The following SMARCAD1 variants were observed in gnomAD, a reference collection of about 807,000 sequenced individuals.
The protein encoded by SMARCAD1 is SNF2 related chromatin remodeling ATPase with DExD box 1.
SMARCAD1 carries 25 observed loss-of-function variants against 127.1 expected under a neutral mutation model. That is an observed-to-expected ratio of 0.20 (90% CI 0.14 to 0.27). The LOEUF is 0.27. SMARCAD1 is among the 10% of genes least tolerant of loss of function. The probability of loss-of-function intolerance (pLI) is 1.00; values close to 1 mark genes in which losing one functional copy is unlikely to be tolerated. For synonymous variants in SMARCAD1, 400 were observed against 396.9 expected (o/e 1.01, Z -0.09); for missense variants, 807 against 1,206.0 (o/e 0.67, Z 4.90).
At chr4:94,224,074 A>C (rs2125828246) in intron 2 of SMARCAD1, among the ~76,000 whole-genome samples, 1 of 152,210 alleles carries the variant, frequency 6.6e-6, no homozygotes, top group East Asian at 1.9e-4. Context: ...ACTATATAGG[A>C]GTTTGGACTG....
At chr4:94,277,204 T>G in intron 16 of SMARCAD1, 45 bp downstream of exon 16, 1 of 1,604,618 alleles carries the variant, frequency 6.2e-7, no homozygotes, top group Non-Finnish European at 8.5e-7. Context: ...TATTTGTGTT[T>G]TATCTGGGCC....
chr4:94,264,566 T>C, intron 9 of SMARCAD1, 141 bp from the exon 10 acceptor site: 1 of 623,136 alleles, frequency 1.6e-6, no homozygotes, highest in Non-Finnish European at 2.8e-6. Flanking sequence ...ACATGAAGAA[T>C]CAGGTTCTCT....
intron 10 of SMARCAD1, among the ~76,000 whole-genome samples, chr4:94,265,620 C>T (rs1343453333): frequency 2.0e-5 from 3 of 151,568 alleles, no homozygotes; most frequent in Non-Finnish European, 4.4e-5. Flanking sequence ...TTGTGTTGAA[C>T]TTCCTTTAAA....
At chr4:94,267,516 C>G (rs1751914460) in intron 10 of SMARCAD1, among the ~76,000 whole-genome samples, 1 of 152,070 alleles carries the variant, frequency 6.6e-6, no homozygotes. Flanking sequence ...CTATTTTACG[C>G]CTTTCTCACC....
In SMARCAD1 at chr4:94,257,069, G is replaced by GT. The variant is rs140147757; in HGVS notation, c.1281+4067dup. Reference sequence around the variant, plus strand: ...GAGAGTGATACTTCAGATGCTGACTGTTTTTGAAAGAAAAAAGTCCTTTGA... The same window carrying GT: ...GAGAGTGATACTTCAGATGCTGACTGTTTTTTGAAAGAAAAAAGTCCTTTGA... On this transcript the variant is annotated intron_variant, in intron 9 of 23. Transcript: ENST00000354268. Among the ~76,000 whole-genome samples the GT allele has an allele frequency of 2.9e-3, 440 of 152,226 alleles. 2 individuals are homozygous for GT. The highest frequency in any genetic ancestry group is 0.01 in the African/African-American group (419 of 41,540).
At chr4:94,261,756 C>T (rs950211540) in intron 9 of SMARCAD1, among the ~76,000 whole-genome samples, 3 of 152,070 alleles carry the variant, frequency 2.0e-5, no homozygotes, top group Admixed American at 1.3e-4. Flanking sequence ...ACCACAGGCA[C>T]GTGCCACCAC....
At chr4:94,221,646 C>T (rs1030488922) in intron 2 of SMARCAD1, among the ~76,000 whole-genome samples, 1 of 152,112 alleles carries the variant, frequency 6.6e-6, no homozygotes, top group African/African-American at 2.4e-5. Context: ...TGTCATCTGA[C>T]TAAATAAATT....
chr4:94,249,618 T>A (rs774785670), intron 6 of SMARCAD1, 36 bp from the exon 7 acceptor site: 1 of 1,099,244 alleles, frequency 9.1e-7, no homozygotes. Flanking sequence ...TATTGATATC[T>A]CTTAAATTGT....
chr4:94,278,684 A>G lies in SMARCAD1; in HGVS notation c.2247A>G (p.Gln749=). The G allele has an allele frequency of 6.2e-7, 1 of 1,613,918 alleles. No individual in the cohort carries two copies. Among genetic ancestry groups the G allele is most frequent in the Non-Finnish European group, 8.5e-7 (1 of 1,179,958 alleles). ...ELCAMSEKQE[Q]LYLGLFNRLK... is the part of the protein sequence containing the mutation. ...GTGCAATGTCGGAGAAGCAGGAGCA[A>G]CTCTATTTGGGTCTTTTCAACAGAT... Residue 749 remains glutamine (Q), a synonymous_variant, in exon 18 of 24, where the codon CAA becomes CAG. Transcript: ENST00000354268.
rs543878969 is a variant in SMARCAD1 at position 94,269,951 on chromosome 4, G to T, written c.1482-777G>T. Among the ~76,000 whole-genome samples the T allele has an allele frequency of 4.8e-4, 73 of 152,106 alleles. 1 individual carries two copies. Among genetic ancestry groups the T allele is most frequent in the South Asian group, 3.7e-3 (18 of 4,820 alleles). The stretch of plus-strand genomic sequence containing the variant: ...GCCTTGCAAAGTGCTGGGATTACGG[G>T]CATGAGCCACTGTTTTCATTCCTTA... On this transcript the variant is annotated intron_variant, in intron 10 of 23. Coordinates refer to ENST00000354268, the MANE Select transcript of SMARCAD1 (RefSeq NM_020159.5).
chr4:94,241,611 A>C (rs1485549796), intron 6 of SMARCAD1, among the ~76,000 whole-genome samples: 1 of 152,152 alleles, frequency 6.6e-6, no homozygotes, highest in African/African-American at 2.4e-5. Context: ...AGGGAAGGCA[A>C]ATTCATACTT....
At chr4:94,275,195 C>G (rs149676050) in intron 14 of SMARCAD1, among the ~76,000 whole-genome samples, 1 of 151,892 alleles carries the variant, frequency 6.6e-6, no homozygotes, top group Non-Finnish European at 1.5e-5. Context: ...AAGGTTTTGC[C>G]TAGTTATTGA....
intron 2 of SMARCAD1, among the ~76,000 whole-genome samples, chr4:94,220,735 C>T (rs1008441779): frequency 2.0e-5 from 3 of 152,224 alleles, no homozygotes; most frequent in Non-Finnish European, 4.4e-5. Flanking sequence ...CTTAGCACCA[C>T]GGATCAAGGC....
At chr4:94,216,529 A>G (rs924978116) in intron 2 of SMARCAD1, among the ~76,000 whole-genome samples, 1 of 152,272 alleles carries the variant, frequency 6.6e-6, no homozygotes, top group African/African-American at 2.4e-5. Context: ...ATTCAGTTCA[A>G]TACATATACA....
intron 6 of SMARCAD1, among the ~76,000 whole-genome samples, chr4:94,242,318 T>G (rs976105386): frequency 3.9e-5 from 6 of 152,106 alleles, no homozygotes; most frequent in Admixed American, 2.6e-4. Context: ...GTGCTGAGAT[T>G]ACAGGCGTGA....
intron 3 of SMARCAD1, among the ~76,000 whole-genome samples, chr4:94,231,984 C>T (rs1012295381): frequency 5.9e-5 from 9 of 152,052 alleles, no homozygotes; most frequent in Non-Finnish European, 1.3e-4. Flanking sequence ...GTCTCAGCCT[C>T]CCTAGTAGGT....
At chr4:94,250,964 A>G in intron 8 of SMARCAD1, 131 bp downstream of exon 8, 1 of 656,592 alleles carries the variant, frequency 1.5e-6, no homozygotes, top group Non-Finnish European at 2.6e-6. Context: ...TGTTGAAAGT[A>G]ATGATGTAAA....
chr4:94,277,515 C>T (rs1753474129), intron 16 of SMARCAD1, among the ~76,000 whole-genome samples: 1 of 151,776 alleles, frequency 6.6e-6, no homozygotes, highest in African/African-American at 2.4e-5. Context: ...TATGGGTAAA[C>T]TATAAAACTA....
chr4:94,264,843 T>C lies in SMARCAD1; in HGVS notation c.1418T>C (p.Val473Ala). 6.2e-7 allele frequency: 1 copy of C among 1,613,112 alleles called. No homozygotes were observed. Among genetic ancestry groups the C allele is most frequent in the Non-Finnish European group, 8.5e-7 (1 of 1,179,308 alleles). ...ATTTCAAATAAATTGACCAAACAAG[T>C]TACCATGCTTACTGGAAATGGAGGT... is the stretch of plus-strand genomic sequence containing the variant. ...EDISNKLTKQ[V>A]TMLTGNGGGW... The change falls in exon 10 of 24, where the codon GTT becomes GCT. Residue 473 changes from valine to alanine, a missense_variant. Val to Ala is a moderately conservative substitution (Grantham distance 64). Transcript: ENST00000354268.
Sources: gnomAD v4.1 joint callset for allele counts (sites outside exome capture counted in the v4.1 genomes callset) on GRCh38, gnomAD v4.1.1 for gene constraint, MANE v1.5 for transcripts, NCBI Gene and HGNC (gene_info 2026-07-23, HGNC 2026-07-21) for gene names.